RARB: variants seen among roughly 807,000 people sequenced by gnomAD.
RARB encodes the protein retinoic acid receptor beta.
RARB carries 17 observed loss-of-function variants against 51.9 expected under a neutral mutation model. That is an observed-to-expected ratio of 0.33 (90% confidence interval 0.22 to 0.49). The LOEUF (loss-of-function observed/expected upper bound fraction) is 0.49, where lower values mean the gene tolerates loss of function less well. Ranked by LOEUF, RARB falls within the 20% of genes least tolerant of loss-of-function variation. The pLI is 0.99. For synonymous variants in RARB, 215 were observed against 195.4 expected (o/e 1.10, Z -0.84); for missense variants, 369 against 550.8 (o/e 0.67, Z 3.30).
At chr3:25,457,032 C>T (rs1694956301) in intron 1 of RARB, among the ~76,000 whole-genome samples, 1 of 151,914 alleles carries the variant, frequency 6.6e-6, no homozygotes, top group South Asian at 2.1e-4. Flanking sequence ...CCTGGGAATA[C>T]TTTTTATTAT....
At chr3:25,073,541 G>A (rs1057484093) in intron 3 of RARB, among the ~76,000 whole-genome samples, 3 of 152,186 alleles carry the variant, frequency 2.0e-5, no homozygotes, top group African/African-American at 7.2e-5. Flanking sequence ...AACCTTAAAT[G>A]TGTTACTTAT....
In RARB at chr3:24,860,561, C is replaced by T. The variant is rs190218972; in HGVS notation, c.-380+1809C>T. ...AAGTATAGAAAACAAACAAACCCATCCACTGCTGCTCCCTCTTACTCTCTA... is the reference window on the plus strand; with the variant it reads ...AAGTATAGAAAACAAACAAACCCATTCACTGCTGCTCCCTCTTACTCTCTA... On this transcript the variant is annotated intron_variant, in intron 2 of 11. Transcript: ENST00000383772. Among the ~76,000 whole-genome samples, 193 of 152,302 alleles carry T rather than the reference C, an allele frequency of 1.3e-3. 2 individuals are homozygous for T. Among genetic ancestry groups the T allele is most frequent in the Admixed American group, 3.5e-3 (54 of 15,302 alleles).
chr3:25,295,273 A>T, intron 5 of RARB, among the ~76,000 whole-genome samples: 1 of 152,184 alleles, frequency 6.6e-6, no homozygotes, highest in East Asian at 1.9e-4. Context: ...TGTTGGTATT[A>T]AGAGGTGGAG....
At chr3:25,151,169 C>G (rs899322870) in intron 4 of RARB, among the ~76,000 whole-genome samples, 1 of 152,140 alleles carries the variant, frequency 6.6e-6, no homozygotes, top group African/African-American at 2.4e-5. Context: ...AATGCAGGTG[C>G]CGCATTTCTG....
intron 5 of RARB, among the ~76,000 whole-genome samples, chr3:25,412,630 A>G (rs1259625270): frequency 6.6e-5 from 10 of 152,250 alleles, no homozygotes; most frequent in East Asian, 3.8e-4. Context: ...TTGAAATAAA[A>G]CATTTATAGA....
intron 2 of RARB, among the ~76,000 whole-genome samples, chr3:25,021,179 T>A (rs1697628312): frequency 6.6e-6 from 1 of 152,178 alleles, no homozygotes; most frequent in Non-Finnish European, 1.5e-5. Flanking sequence ...GGAATAGTAC[T>A]CCTGAAGGTA....
chr3:25,543,975 A>G (rs775334954), intron 3 of RARB, among the ~76,000 whole-genome samples: 1 of 152,242 alleles, frequency 6.6e-6, no homozygotes, highest in Non-Finnish European at 1.5e-5. Flanking sequence ...CATGATGTAT[A>G]AAGATGTTCA....
In RARB at chr3:24,989,744, C is replaced by CTTTCA. The variant is rs1239729001; in HGVS notation, c.-379-70377_-379-70373dup. Among the ~76,000 whole-genome samples the CTTTCA allele has an allele frequency of 2.3e-5, 2 of 85,126 alleles. 1 individual carries two copies. The highest frequency in any genetic ancestry group is 9.0e-4 in the East Asian group (2 of 2,234). The allele number at this position is 85,126 out of a possible 152,430, so 55.8% of individuals were successfully genotyped here. ...GCCCAGTCTATAGCTTAATTTCCAA[C>CTTTCA]TTTCATTTTAACTGTTGTCATATGT... On this transcript the variant is annotated intron_variant, in intron 2 of 11. Coordinates refer to the RARB transcript ENST00000383772.
chr3:25,182,815 T>A (rs34960742), intron 5 of RARB, among the ~76,000 whole-genome samples: 21,424 of 152,182 alleles, frequency 0.14, 1,620 homozygotes, highest in South Asian at 0.23. Flanking sequence ...GAAATAGGAT[T>A]AAGTTAAGAT....
chr3:24,993,715 A>T (rs2125436674), intron 2 of RARB, among the ~76,000 whole-genome samples: 1 of 152,028 alleles, frequency 6.6e-6, no homozygotes, highest in South Asian at 2.1e-4. Flanking sequence ...TTTTACATCT[A>T]TGGTATCAAA....
intron 5 of RARB, among the ~76,000 whole-genome samples, chr3:25,253,713 G>A (rs749815832): frequency 7.9e-5 from 12 of 152,158 alleles, no homozygotes; most frequent in Non-Finnish European, 1.2e-4. Flanking sequence ...CTCACCACAA[G>A]AGATGATTTA....
At chr3:25,528,838 C>CATTCTTTGTAAAACGA (rs58501110) in intron 3 of RARB, among the ~76,000 whole-genome samples, 5,512 of 151,920 alleles carry the variant, frequency 0.036, 130 homozygotes, top group Non-Finnish European at 0.053. Flanking sequence ...AAAACGCAGC[C>CATTCTTTGTAAAACGA]AAACATGAAG....
intron 1 of RARB, among the ~76,000 whole-genome samples, chr3:24,834,489 T>G (rs1212576755): frequency 1.3e-5 from 2 of 152,192 alleles, no homozygotes; most frequent in Non-Finnish European, 2.9e-5. Flanking sequence ...GTATCATCAA[T>G]GTCAACCCCA....
chr3:25,221,291 G>T (rs758642933), intron 5 of RARB, among the ~76,000 whole-genome samples: 1 of 149,554 alleles, frequency 6.7e-6, no homozygotes, highest in South Asian at 2.1e-4. Context: ...GTCTAATTGA[G>T]ACAACTCTCT....
At chr3:24,877,419 C>T (rs1205874318) in intron 2 of RARB, among the ~76,000 whole-genome samples, 6 of 129,484 alleles carry the variant, frequency 4.6e-5, no homozygotes, top group Admixed American at 9.8e-5. Context: ...ATAGAAAGCC[C>T]CAGAACCTTT....
intron 3 of RARB, among the ~76,000 whole-genome samples, chr3:25,084,964 A>G (rs929858628): frequency 1.3e-5 from 2 of 152,200 alleles, no homozygotes; most frequent in Non-Finnish European, 2.9e-5. Flanking sequence ...TGCAATGAGC[A>G]TGACAGACAA....
chr3:25,510,213 T>A (rs1302448109), intron 3 of RARB, among the ~76,000 whole-genome samples: 2 of 152,258 alleles, frequency 1.3e-5, no homozygotes, highest in Non-Finnish European at 2.9e-5. Context: ...GTCTTAATTC[T>A]AATTCCCAGC....
intron 2 of RARB, among the ~76,000 whole-genome samples, chr3:24,967,354 G>T (rs1248023725): frequency 6.6e-6 from 1 of 152,084 alleles, no homozygotes; most frequent in African/African-American, 2.4e-5. Context: ...ACCTATGTTT[G>T]CCCAAGCCTC....
intron 3 of RARB, among the ~76,000 whole-genome samples, chr3:25,503,480 C>A (rs1344749337): frequency 1.3e-5 from 2 of 152,088 alleles, no homozygotes; most frequent in Non-Finnish European, 2.9e-5. Context: ...AAACCCATAT[C>A]CTGCTGCTCT....
Sources: allele counts gnomAD v4.1 joint callset (sites outside exome capture counted in the v4.1 genomes callset), GRCh38; gene constraint gnomAD v4.1.1; transcripts MANE v1.5; gene names NCBI Gene and HGNC (gene_info 2026-07-23, HGNC 2026-07-21).